The following SFPQ variants were observed in gnomAD, a reference collection of about 807,000 sequenced individuals.
The protein encoded by SFPQ is splicing factor proline and glutamine rich.
A neutral mutation model predicts 72.9 loss-of-function variants in SFPQ; 11 were observed. The observed-to-expected ratio is 0.15, with a 90% CI of 0.09 to 0.25. SFPQ has a LOEUF of 0.25. Among genes scored for constraint, SFPQ ranks in the 10% least tolerant of loss-of-function variants. The pLI is 1.00. For synonymous variants in SFPQ, 506 were observed against 367.3 expected (o/e 1.38, Z -4.32); for missense variants, 847 against 993.3 (o/e 0.85, Z 1.98).
chr1:35,178,569 C>T (rs558543052), downstream of SFPQ: 19 of 1,059,206 alleles, frequency 1.8e-5, 1 homozygote, highest in East Asian at 9.3e-4. Flanking sequence ...TCTTTCCCAT[C>T]TAAGTCCTCA....
downstream of SFPQ, chr1:35,182,263 A>T (rs748846925): frequency 6.1e-6 from 6 of 985,140 alleles, no homozygotes; most frequent in Non-Finnish European, 7.2e-6. Flanking sequence ...ATATAATTCA[A>T]CCAAACTGTA....
At chr1:35,188,901 T>TG in intron 6 of SFPQ, 102 bp downstream of exon 6, 1 of 855,712 alleles carries the variant, frequency 1.2e-6, no homozygotes, top group Non-Finnish European at 1.9e-6. Flanking sequence ...GCGGAGGTTG[T>TG]GGTGAGCTGA....
intron 9 of SFPQ, among the ~76,000 whole-genome samples, chr1:35,185,600 A>G (rs1413150696): frequency 6.6e-6 from 1 of 152,220 alleles, no homozygotes; most frequent in African/African-American, 2.4e-5. Context: ...CATTCCATTT[A>G]TAATAGACCA....
intron 4 of SFPQ, 53 bp downstream of exon 4, chr1:35,190,444 AT>A: frequency 7.9e-7 from 1 of 1,268,652 alleles, no homozygotes; most frequent in Non-Finnish European, 1.1e-6. Flanking sequence ...ACTAAAATAA[AT>A]TTAACCTTTA....
downstream of SFPQ, chr1:35,178,010 A>AT: frequency 1.5e-6 from 2 of 1,296,644 alleles, no homozygotes; most frequent in Non-Finnish European, 2.0e-6. Flanking sequence ...GAGCACTCCA[A>AT]TATCAGCCAA....
downstream of SFPQ, chr1:35,181,652 A>C: frequency 5.7e-6 from 6 of 1,060,838 alleles, no homozygotes; most frequent in Non-Finnish European, 6.8e-6. Flanking sequence ...TGTTCCTCTT[A>C]AAACAAAATT....
Position 35,183,556 on chromosome 1 carries a change from G to A in SFPQ, c.*900C>T. ...TCTTACTTTCAAGTTTTGTTTTTTA[G>A]ACTACACCCCATCTTTATAAATCAC... On this transcript the variant is annotated 3_prime_UTR_variant, in exon 10 of 10. Transcript: ENST00000357214. 2 of 1,017,880 alleles carry A rather than the reference G, an allele frequency of 2.0e-6. No homozygotes were observed. The highest frequency in any genetic ancestry group is 2.4e-6 in the Non-Finnish European group (2 of 848,916). 63.1% of individuals were successfully genotyped at this position (1,017,880 alleles called of 1,614,324 possible).
chr1:35,181,970 C>T, downstream of SFPQ: 1 of 985,170 alleles, frequency 1.0e-6, no homozygotes, highest in Non-Finnish European at 1.2e-6. Flanking sequence ...CTCTACAGTC[C>T]ACAGTAAGGG....
downstream of SFPQ, chr1:35,182,091 TAAAG>T (rs1405889338): frequency 1.8e-5 from 18 of 985,228 alleles, no homozygotes; most frequent in East Asian, 2.3e-4. Flanking sequence ...GCATCCCTTA[TAAAG>T]AAAGGCATGT....
In SFPQ at chr1:35,184,223, A is replaced by G. The variant is rs936275988; in HGVS notation, c.*233T>C. On this transcript the variant is annotated 3_prime_UTR_variant, in exon 10 of 10. Coordinates refer to ENST00000357214, the MANE Select transcript of SFPQ (RefSeq NM_005066.3). ...GTACACTGCCATAAACTTGAGGGAC[A>G]TTATACAGTAAAAAAGAAAAAATAA... 18 of 1,288,476 alleles carry G rather than the reference A, an allele frequency of 1.4e-5. No individual in the cohort carries two copies. The highest frequency in any genetic ancestry group is 1.6e-5 in the Non-Finnish European group (16 of 1,022,802). 79.8% of individuals were successfully genotyped at this position (1,288,476 alleles called of 1,614,324 possible).
chr1:35,179,600 A>G, downstream of SFPQ: 1 of 1,054,094 alleles, frequency 9.5e-7, no homozygotes. Context: ...ACTAAGATTC[A>G]CAATTCATTG....
chr1:35,176,705 TAAAAAATACA>T (rs1321481274), intron 5 of SFPQ, among the ~76,000 whole-genome samples: 2 of 150,458 alleles, frequency 1.3e-5, no homozygotes, highest in African/African-American at 4.9e-5. Context: ...CTGTCTCTAC[TAAAAAATACA>T]AAAAAAAATT....
In SFPQ at chr1:35,184,402, T is replaced by G; in HGVS notation, c.*54A>C. 1 of 1,586,692 alleles carries G rather than the reference T, an allele frequency of 6.3e-7. No individual in the cohort carries two copies. Among genetic ancestry groups the G allele is most frequent in the Non-Finnish European group, 8.5e-7 (1 of 1,172,096 alleles). ...ACTAAAATGCAAGAATTTAAAAGAT[T>G]GGTATCTAAACAAAAAAACAAAACA... On this transcript the variant is annotated 3_prime_UTR_variant, in exon 10 of 10. Transcript: ENST00000357214.
chr1:35,186,017 G>A lies in SFPQ; in HGVS notation c.1986+984C>T, dbSNP rs1181140699. On this transcript the variant is annotated intron_variant, in intron 9 of 9. Transcript: ENST00000357214. ...ACATACTCTGAAAAATCTAAAGAAA[G>A]CCCATAGTATTACATTTTACCCAAC... Among the ~76,000 whole-genome samples, 9 of 152,044 alleles carry A rather than the reference G, an allele frequency of 5.9e-5. No individual in the cohort carries two copies. In the South Asian group the frequency reaches 6.2e-4, roughly 11 times the overall value.
chr1:35,181,563 A>C (rs552014153), downstream of SFPQ: 1 of 1,062,074 alleles, frequency 9.4e-7, no homozygotes, highest in African/African-American at 1.6e-5. Flanking sequence ...GGCTATGCTT[A>C]TAAAATACCT....
downstream of SFPQ, chr1:35,178,902 T>A (rs895993778): frequency 8.1e-5 from 81 of 1,005,348 alleles, no homozygotes; most frequent in Admixed American, 1.7e-4. Flanking sequence ...AAAAAAAAAA[T>A]ATTTTTTTCA....
chr1:35,187,391 TATTCTGA>T, intron 7 of SFPQ, 140 bp from the exon 8 acceptor site: 2 of 862,034 alleles, frequency 2.3e-6, no homozygotes, highest in Non-Finnish European at 3.8e-6. Flanking sequence ...TTGAAATCAA[TATTCTGA>T]AAACTAAGTT....
At position 35,183,717 on chromosome 1, in the gene SFPQ, C is replaced by T. The variant is rs1213412672; in HGVS notation, c.*739G>A. On this transcript the variant is annotated 3_prime_UTR_variant, in exon 10 of 10. Coordinates refer to ENST00000357214, the MANE Select transcript of SFPQ (RefSeq NM_005066.3). Reference sequence around the variant, plus strand: ...GGGAAATGCAACAAAATGACCTTTCCACTTTTCAAAAGCTTTCAAGTAAAG... The same window carrying T: ...GGGAAATGCAACAAAATGACCTTTCTACTTTTCAAAAGCTTTCAAGTAAAG... 5 of 1,046,034 alleles carry T rather than the reference C, an allele frequency of 4.8e-6. No individual in the cohort carries two copies. Among genetic ancestry groups the T allele is most frequent in the Non-Finnish European group, 5.8e-6 (5 of 866,944 alleles). The allele number at this position is 1,046,034 out of a possible 1,614,324, so 64.8% of individuals were successfully genotyped here. A position where few individuals can be genotyped will look rare whatever the true frequency, so the allele number is the denominator to read the frequency against.
chr1:35,176,884 A>T (rs927985795), intron 5 of SFPQ, among the ~76,000 whole-genome samples: 1 of 151,860 alleles, frequency 6.6e-6, no homozygotes, highest in African/African-American at 2.4e-5. Flanking sequence ...AAAAAAAAAA[A>T]AAAAAATCTT....
Sources: allele counts gnomAD v4.1 joint callset (sites outside exome capture counted in the v4.1 genomes callset), GRCh38; gene constraint gnomAD v4.1.1; transcripts MANE v1.5; gene names NCBI Gene and HGNC (gene_info 2026-07-23, HGNC 2026-07-21).